Variants in SPAG17 observed in about 807,000 individuals in gnomAD.
SPAG17 encodes the protein sperm-associated antigen 17.
In SPAG17, 169 loss-of-function variants were observed where a neutral mutation model predicts 273.6. That is an observed-to-expected ratio of 0.62 (90% CI 0.55 to 0.70). SPAG17 has a LOEUF of 0.70. SPAG17 is among the 30% of genes least tolerant of loss of function. SPAG17 has a pLI of 0.00. For synonymous variants in SPAG17, 825 were observed against 873.2 expected, an observed-to-expected ratio of 0.94 and a Z score of 0.97; for missense variants, 2,557 against 2,627.8, an observed-to-expected ratio of 0.97 and a Z score of 0.59.
At chr1:118,089,509 T>C (rs1323419778) in intron 10 of SPAG17, among the ~76,000 whole-genome samples, 1 of 152,136 alleles carries the variant, frequency 6.6e-6, no homozygotes. Flanking sequence ...GATAAAATCA[T>C]ACCTAGACAT....
At chr1:118,092,955 G>T (rs1558007667) in intron 8 of SPAG17, among the ~76,000 whole-genome samples, 1 of 152,272 alleles carries the variant, frequency 6.6e-6, no homozygotes, top group South Asian at 2.1e-4. Context: ...TGACAAGAAG[G>T]TTCCATCCTT....
At chr1:118,100,343 T>C (rs12733229) in intron 5 of SPAG17, among the ~76,000 whole-genome samples, 1 of 152,204 alleles carries the variant, frequency 6.6e-6, no homozygotes, top group Non-Finnish European at 1.5e-5. Flanking sequence ...AAATTTAAAA[T>C]ACATAGTGTG....
At position 118,028,328 on chromosome 1, in the gene SPAG17, T is replaced by C. The variant is rs774164856; in HGVS notation, c.3676A>G (p.Asn1226Asp). The C allele has an allele frequency of 1.9e-6, 3 of 1,613,874 alleles. No individual in the cohort carries two copies. The South Asian group carries it at 3.3e-5, about 18-fold the overall frequency. The change falls in exon 26 of 49, where the codon AAT becomes GAT. Residue 1226 changes from asparagine to aspartate, a missense_variant. By Grantham distance (23) the Asn-to-Asp change is conservative. Coordinates refer to ENST00000336338, the MANE Select transcript of SPAG17 (RefSeq NM_206996.4). ...AGGAGCCCACTGGGGCAAGACACAT[T>C]TAGGCTCTGGAAGGTGGGAACATCC... is the stretch of plus-strand genomic sequence containing the variant. Reference protein sequence around the residue: ...TLDVPTFQSLNVSCPSGLLLT... With the variant: ...TLDVPTFQSLDVSCPSGLLLT...
intron 7 of SPAG17, among the ~76,000 whole-genome samples, chr1:118,094,887 A>G (rs574474415): frequency 6.6e-6 from 1 of 152,248 alleles, no homozygotes; most frequent in South Asian, 2.1e-4. Flanking sequence ...ATAAGATGAC[A>G]TTCAGTAAAT....
At chr1:118,085,274 A>T (rs1654900647) in intron 13 of SPAG17, among the ~76,000 whole-genome samples, 1 of 152,172 alleles carries the variant, frequency 6.6e-6, no homozygotes, top group South Asian at 2.1e-4. Flanking sequence ...ATTCTTCTGG[A>T]ACCTGTGTTT....
rs544211874 is a variant in SPAG17 at position 118,066,510 on chromosome 1, G to A, written c.2540+235C>T. Reference sequence around the variant, plus strand: ...TAACAACATCCTCACTAGATTCCACGAGGGCAAGAATGACACCTGTTTTCT... The same window carrying A: ...TAACAACATCCTCACTAGATTCCACAAGGGCAAGAATGACACCTGTTTTCT... On this transcript the variant is annotated intron_variant, in intron 18 of 48. Coordinates refer to ENST00000336338, the MANE Select transcript of SPAG17 (RefSeq NM_206996.4). 4.5e-4 allele frequency among the ~76,000 whole-genome samples: 68 copies of A among 152,208 alleles called. No homozygotes were observed. In the Middle Eastern group the frequency reaches 0.01, roughly 23 times the overall value.
chr1:118,131,860 A>G (rs1658071555), intron 3 of SPAG17, among the ~76,000 whole-genome samples: 1 of 152,152 alleles, frequency 6.6e-6, no homozygotes, highest in African/African-American at 2.4e-5. Flanking sequence ...TCCTCTTTTC[A>G]TGAACTGTTG....
Position 118,097,773 on chromosome 1 carries a change from A to G in SPAG17, c.908T>C (p.Leu303Pro). The G allele has an allele frequency of 6.2e-7, 1 of 1,610,504 alleles. No homozygotes were observed. Among genetic ancestry groups the G allele is most frequent in the Non-Finnish European group, 8.5e-7 (1 of 1,178,726 alleles). ...ATTTGTTTCAGGTTTCTCATTATTC[A>G]GGACTGGTTCCAAGTACTTCCAGAA... ...KTFWKYLEPV[L>P]NNEKPETNLF... is the part of the protein sequence containing the mutation. Residue 303 changes from leucine (L) to proline (P), a missense_variant, in exon 7 of 49, where the codon CTG becomes CCG. Physicochemically the swap from Leu to Pro is moderately conservative, Grantham distance 98. Transcript: ENST00000336338.
At position 118,025,333 on chromosome 1, in the gene SPAG17, A is replaced by G; in HGVS notation, c.3814T>C (p.Tyr1272His). ...TCTGCGGGTGGCATCACCGTTTTATAGAACTCATAGTGCTTCACCCTCTGG... is the reference window on the plus strand; with the variant it reads ...TCTGCGGGTGGCATCACCGTTTTATGGAACTCATAGTGCTTCACCCTCTGG... The part of the protein sequence containing the change: ...YPQRVKHYEF[Y>H]KTVMPPAEQE... Residue 1272 changes from tyrosine (Y) to histidine (H), a missense_variant, in exon 27 of 49, where the codon TAT becomes CAT. By Grantham distance (83) the Tyr-to-His change is moderately conservative. Coordinates refer to ENST00000336338, the MANE Select transcript of SPAG17 (RefSeq NM_206996.4). 1 of 1,613,660 alleles carries G rather than the reference A, an allele frequency of 6.2e-7. No individual in the cohort carries two copies. Among genetic ancestry groups the G allele is most frequent in the Non-Finnish European group, 8.5e-7 (1 of 1,179,766 alleles).
chr1:118,037,628 C>T (rs991686804), intron 23 of SPAG17, among the ~76,000 whole-genome samples: 3 of 152,102 alleles, frequency 2.0e-5, no homozygotes, highest in African/African-American at 4.8e-5. Flanking sequence ...TGTGTTAGTT[C>T]GCTTAGGATA....
Position 118,054,023 on chromosome 1 carries a change from G to A in SPAG17, c.2793C>T (p.Phe931=). 1 of 1,608,226 alleles carries A rather than the reference G, an allele frequency of 6.2e-7. No homozygotes were observed. Among genetic ancestry groups the A allele is most frequent in the East Asian group, 2.2e-5 (1 of 44,820 alleles). The change falls in exon 20 of 49, where the codon TTC becomes TTT. Residue 931 remains phenylalanine (F), a synonymous_variant. Transcript: ENST00000336338. ...EKEKEKEKIP[F]ILEGSLKAWK... ...TTACCTTGAGAGAGCCTTCTAAAAT[G>A]AAAGGAATCTTTTCCTTCTCTTTTT...
chr1:118,046,781 TG>T, intron 20 of SPAG17, among the ~76,000 whole-genome samples: 1 of 152,242 alleles, frequency 6.6e-6, no homozygotes, highest in Non-Finnish European at 1.5e-5. Flanking sequence ...TTTTTGTGTG[TG>T]GGGGGAATAA....
chr1:117,954,770 T>G (rs746619354), intron 48 of SPAG17: 1 of 908,346 alleles, frequency 1.1e-6, no homozygotes, highest in Non-Finnish European at 1.6e-6. Flanking sequence ...CTTGGCATTC[T>G]CTAGGATATT....
Position 118,039,307 on chromosome 1 carries a change from G to T in SPAG17, c.3304C>A (p.Gln1102Lys), listed in dbSNP as rs1649453264. The change falls in exon 23 of 49, where the codon CAA becomes AAA. Residue 1102 changes from glutamine to lysine, a missense_variant. Transcript: ENST00000336338. Reference sequence around the variant, plus strand: ...AGCAGCTTACCCGTTTCAAGACTTTGTTCCTCATCTCCTTCTTCTTCCTCT... The same window carrying T: ...AGCAGCTTACCCGTTTCAAGACTTTTTTCCTCATCTCCTTCTTCTTCCTCT... The part of the protein sequence containing the change: ...LEEEEEGDEE[Q>K]SLETEVSDAK... The T allele has an allele frequency of 6.2e-7, 1 of 1,612,864 alleles. No individual in the cohort carries two copies. Among genetic ancestry groups the T allele is most frequent in the Non-Finnish European group, 8.5e-7 (1 of 1,179,362 alleles).
chr1:117,998,300 A>T (rs965876518), intron 32 of SPAG17, among the ~76,000 whole-genome samples: 16 of 152,258 alleles, frequency 1.1e-4, no homozygotes, highest in African/African-American at 3.6e-4. Context: ...AGTACCATTT[A>T]TTGACTAGGG....
intron 36 of SPAG17, among the ~76,000 whole-genome samples, chr1:117,991,807 C>T (rs1186205427): frequency 1.3e-5 from 2 of 152,132 alleles, no homozygotes; most frequent in Non-Finnish European, 2.9e-5. Flanking sequence ...TAAGTGTCCT[C>T]ATCAATAAAA....
intron 43 of SPAG17, among the ~76,000 whole-genome samples, chr1:117,974,879 C>A (rs936270822): frequency 2.0e-5 from 3 of 152,156 alleles, no homozygotes; most frequent in African/African-American, 7.2e-5. Flanking sequence ...CATGTTTTTA[C>A]ACCGGAATGA....
At position 118,174,081 on chromosome 1, in the gene SPAG17, A is replaced by T. The variant is rs1420928686; in HGVS notation, c.87+10990T>A. On this transcript the variant is annotated intron_variant, in intron 1 of 48. Transcript: ENST00000336338. ...GAGGCATACAGATAAATTGGAACAC[A>T]TGGCCCCATTGAAATCAACAAAATA... Among the ~76,000 whole-genome samples the T allele has an allele frequency of 3.9e-5, 6 of 152,142 alleles. No homozygotes were observed. In the South Asian group the frequency reaches 1.2e-3, roughly 32 times the overall value.
chr1:118,130,984 C>T (rs1405034714), intron 3 of SPAG17, among the ~76,000 whole-genome samples: 1 of 152,126 alleles, frequency 6.6e-6, no homozygotes, highest in Non-Finnish European at 1.5e-5. Flanking sequence ...CTTTTGTGTA[C>T]CTTTTTCTAA....
Sources: gnomAD v4.1 joint callset for allele counts (sites outside exome capture counted in the v4.1 genomes callset) on GRCh38, gnomAD v4.1.1 for gene constraint, MANE v1.5 for transcripts, NCBI Gene and HGNC (gene_info 2026-07-23, HGNC 2026-07-21) for gene names.